ZNF285: variants seen among roughly 807,000 people sequenced by gnomAD.
ZNF285 encodes the protein zinc finger protein 285.
A neutral mutation model predicts 6.2 loss-of-function variants in ZNF285; 4 were observed. The observed-to-expected ratio is 0.65, with a 90% CI of 0.32 to 1.49. ZNF285 has a LOEUF of 1.49. Ranked by LOEUF, ZNF285 falls within the 40% of genes most tolerant of loss-of-function variation. The probability of loss-of-function intolerance (pLI) is 0.07; values close to 1 mark genes in which losing one functional copy is unlikely to be tolerated. For missense variants in ZNF285, 695 were observed against 708.8 expected (o/e 0.98, Z 0.22); for synonymous variants, 240 against 245.8 (o/e 0.98, Z 0.22).
At chr19:44,389,262 T>C (rs1306946159) in intron 3 of ZNF285, among the ~76,000 whole-genome samples, 1 of 152,112 alleles carries the variant, frequency 6.6e-6, no homozygotes, top group Non-Finnish European at 1.5e-5. Context: ...AAGAGGATGA[T>C]CATATTCTTG....
At chr19:44,397,107 C>T (rs1971293648) in intron 2 of ZNF285, 92 bp downstream of exon 2, 4 of 1,589,606 alleles carry the variant, frequency 2.5e-6, no homozygotes, top group Non-Finnish European at 3.4e-6. Flanking sequence ...ATAGTAGTCA[C>T]TCAAAAAATG....
intron 1 of ZNF285, among the ~76,000 whole-genome samples, chr19:44,399,355 C>A (rs1365074815): frequency 2.1e-5 from 3 of 139,728 alleles, no homozygotes; most frequent in African/African-American, 9.2e-5. Flanking sequence ...CAAGAAAACA[C>A]TCCTCCTTTC....
chr19:44,394,276 G>A (rs1387833197), intron 2 of ZNF285, among the ~76,000 whole-genome samples: 2 of 152,022 alleles, frequency 1.3e-5, no homozygotes, highest in Non-Finnish European at 2.9e-5. Flanking sequence ...TGGGGGGAGT[G>A]GGGAGGGATA....
chr19:44,386,579 G>C lies in ZNF285; in HGVS notation c.1666C>G (p.Leu556Val). 3.7e-6 allele frequency: 6 copies of C among 1,614,170 alleles called. No individual in the cohort carries two copies. Among genetic ancestry groups the C allele is most frequent in the Non-Finnish European group, 5.1e-6 (6 of 1,180,004 alleles). ...GKGFSRNSYL[L>V]AHQRVHIDET... ...TCTATATGCACTCTCTGATGGGCAA[G>C]GAGGTATGAATTACGACTGAAGCCC... Residue 556 changes from leucine (L) to valine (V), a missense_variant, in exon 4 of 4, where the codon CTT becomes GTT. Coordinates refer to ENST00000614994, the MANE Select transcript of ZNF285 (RefSeq NM_152354.6).
chr19:44,390,149 G>A (rs971086840), intron 3 of ZNF285, among the ~76,000 whole-genome samples: 1 of 152,144 alleles, frequency 6.6e-6, no homozygotes, highest in African/African-American at 2.4e-5. Context: ...GGAGCTGTGA[G>A]AAGAGGGCCA....
rs570990239 is a variant in ZNF285 at position 44,394,635 on chromosome 19, A to G, written c.16-2169T>C. On this transcript the variant is annotated intron_variant, in intron 2 of 3. Transcript: ENST00000614994. Reference sequence around the variant, plus strand: ...ACCAATTTTTACATAAAATATTTCTATGGCTGCATATATCGCACTGCTCAG... The same window carrying G: ...ACCAATTTTTACATAAAATATTTCTGTGGCTGCATATATCGCACTGCTCAG... 1.3e-3 allele frequency: 670 copies of G among 510,130 alleles called. 11 individuals are homozygous for G. The South Asian group carries it at 0.02, about 15-fold the overall frequency. The allele number at this position is 510,130 out of a possible 1,614,324, so 31.6% of individuals were successfully genotyped here.
chr19:44,395,881 C>T (rs529827391), intron 2 of ZNF285, among the ~76,000 whole-genome samples: 49 of 152,238 alleles, frequency 3.2e-4, no homozygotes, highest in African/African-American at 1.2e-3. Context: ...ACCAAGCTAA[C>T]CAAAACGAGC....
At chr19:44,393,570 G>A (rs1348527068) in intron 2 of ZNF285, among the ~76,000 whole-genome samples, 1 of 152,088 alleles carries the variant, frequency 6.6e-6, no homozygotes, top group Non-Finnish European at 1.5e-5. Flanking sequence ...CTCCCATTCT[G>A]TAGGTTGCCT....
Position 44,387,817 on chromosome 19 carries a change from T to C in ZNF285, c.428A>G (p.Gln143Arg). 1.2e-6 allele frequency: 2 copies of C among 1,614,000 alleles called. No individual in the cohort carries two copies. The highest frequency in any genetic ancestry group is 1.7e-6 in the Non-Finnish European group (2 of 1,179,860). The part of the protein sequence containing the change: ...QDITAWQSLT[Q>R]VLTPESWRKA... ...CCTCCACGATTCTGGGGTAAGAACC[T>C]GTGTCAGGCTTTGCCATGCTGTGAT... is the stretch of plus-strand genomic sequence containing the variant. The change falls in exon 4 of 4, where the codon CAG (glutamine) becomes CGG (arginine). Residue 143 changes from glutamine to arginine, a missense_variant. Physicochemically the swap from Gln to Arg is conservative, Grantham distance 43. Coordinates refer to ENST00000614994, the MANE Select transcript of ZNF285 (RefSeq NM_152354.6).
chr19:44,389,262 T>A (rs1306946159), intron 3 of ZNF285, among the ~76,000 whole-genome samples: 1 of 152,112 alleles, frequency 6.6e-6, no homozygotes, highest in Non-Finnish European at 1.5e-5. Context: ...AAGAGGATGA[T>A]CATATTCTTG....
At position 44,386,534 on chromosome 19, in the gene ZNF285, A is replaced by AAT. The variant is rs1488546616; in HGVS notation, c.1710_1711insAT (p.Cys571IlefsTer9). ...GTCAGAAGGTCCTTTCCACGCTCAC[A>AAT]GTGTGTGTACTGTGTCTCATCTATA... is the stretch of plus-strand genomic sequence containing the variant. On this transcript the variant is annotated frameshift_variant, in exon 4 of 4. Coordinates refer to ENST00000614994, the MANE Select transcript of ZNF285 (RefSeq NM_152354.6). LOFTEE classifies it low-confidence loss of function (END_TRUNC). 6 of 1,613,958 alleles carry AAT rather than the reference A, an allele frequency of 3.7e-6. No homozygotes were observed. Among genetic ancestry groups the AAT allele is most frequent in the Middle Eastern group, 1.6e-4 (1 of 6,084 alleles).
intron 2 of ZNF285, among the ~76,000 whole-genome samples, chr19:44,393,945 A>G (rs1971237848): frequency 6.6e-6 from 1 of 152,146 alleles, no homozygotes; most frequent in African/African-American, 2.4e-5. Flanking sequence ...ATGCTGCTAT[A>G]AATACACATG....
In ZNF285 at chr19:44,401,600, G is replaced by T. The variant is rs1161575710; in HGVS notation, c.-76C>A. The T allele has an allele frequency of 6.6e-6, 1 of 152,264 alleles. No homozygotes were observed. The highest frequency in any genetic ancestry group is 1.5e-5 in the Non-Finnish European group (1 of 68,096). 9.4% of individuals were successfully genotyped at this position (152,264 alleles called of 1,614,324 possible). A position where few individuals can be genotyped will look rare whatever the true frequency, so the allele number is the denominator to read the frequency against. On this transcript the variant is annotated 5_prime_UTR_variant, in exon 1 of 4. Transcript: ENST00000614994. The stretch of plus-strand genomic sequence containing the variant: ...TCCCAAACAATGTCGCCCGCAGCGT[G>T]CGTCCAGTACCATGGCGCATGCGCA...
intron 3 of ZNF285, among the ~76,000 whole-genome samples, chr19:44,391,872 C>T (rs1183361318): frequency 6.6e-6 from 1 of 152,114 alleles, no homozygotes; most frequent in Non-Finnish European, 1.5e-5. Flanking sequence ...ACACTTACTA[C>T]ATACCAGTAA....
chr19:44,395,305 A>G (rs1971262110), intron 2 of ZNF285, among the ~76,000 whole-genome samples: 1 of 152,210 alleles, frequency 6.6e-6, no homozygotes, highest in Non-Finnish European at 1.5e-5. Flanking sequence ...GGATAGAGTA[A>G]CACACTGAAA....
chr19:44,387,238 CGAT>C lies in ZNF285; in HGVS notation c.1004_1006del (p.His335del). 6.2e-7 allele frequency: 1 copy of C among 1,614,064 alleles called. No homozygotes were observed. Among genetic ancestry groups the C allele is most frequent in the South Asian group, 1.1e-5 (1 of 91,076 alleles). On this transcript the variant is annotated inframe_deletion, in exon 4 of 4. Transcript: ENST00000614994. ...GTAGGGCATCTCCCCTGTGTGGACT[CGAT>C]GATGGTTGTGAAGGGAAGAGCTGCG... is the stretch of plus-strand genomic sequence containing the variant.
rs757779421 is a variant in ZNF285, at chr19:44,386,764, C to T, written c.1481G>A (p.Ser494Asn). 1.1e-5 allele frequency: 17 copies of T among 1,614,204 alleles called. No individual in the cohort carries two copies. The highest frequency in any genetic ancestry group is 1.4e-5 in the Non-Finnish European group (17 of 1,180,024). ...YKCEVCGKCFSYSSYFHLHQR... is the reference protein window; with the variant it reads ...YKCEVCGKCFNYSSYFHLHQR... ...ATGTAAGTGAAAATATGAACTGTAA[C>T]TGAAGCACTTTCCACACACTTCACA... Residue 494 changes from serine to asparagine, a missense_variant, in exon 4 of 4, where the codon AGT becomes AAT. Ser to Asn is a conservative substitution (Grantham distance 46). Transcript: ENST00000614994.
At chr19:44,396,808 T>C (rs1971288072) in intron 2 of ZNF285, 2 of 208,204 alleles carry the variant, frequency 9.6e-6, no homozygotes, top group Non-Finnish European at 2.0e-5. Flanking sequence ...TCTTGCTACT[T>C]ATTGAATGAG....
In ZNF285 at chr19:44,387,056, C is replaced by T. The variant is rs535569015; in HGVS notation, c.1189G>A (p.Glu397Lys). The T allele has an allele frequency of 1.9e-5, 30 of 1,614,188 alleles. No individual in the cohort carries two copies. In the South Asian group the frequency reaches 3.2e-4, roughly 17 times the overall value. ...LLVHQRVHTG[E>K]KPYKCSECGK... Reference sequence around the variant, plus strand: ...CACTCACTGCATTTGTAGGGCTTCTCTCCAGTGTGGACTCTCTGATGGACA... The same window carrying T: ...CACTCACTGCATTTGTAGGGCTTCTTTCCAGTGTGGACTCTCTGATGGACA... The change falls in exon 4 of 4, where the codon GAG (glutamate) becomes AAG (lysine). Residue 397 changes from glutamate to lysine, a missense_variant. Glu to Lys is a moderately conservative substitution (Grantham distance 56). Transcript: ENST00000614994.
Sources: gnomAD v4.1 joint callset for allele counts (sites outside exome capture counted in the v4.1 genomes callset) on GRCh38, gnomAD v4.1.1 for gene constraint, MANE v1.5 for transcripts, NCBI Gene and HGNC (gene_info 2026-07-23, HGNC 2026-07-21) for gene names.